CFAP46: variants seen among roughly 807,000 people sequenced by gnomAD.
The protein encoded by CFAP46 is cilia- and flagella-associated protein 46.
CFAP46 carries 245 observed loss-of-function variants against 325.7 expected under a neutral mutation model. The ratio of observed to expected loss-of-function variants is 0.75; its 90% CI spans 0.68 to 0.84. CFAP46 has a LOEUF of 0.84. Among genes scored for constraint, CFAP46 ranks in the 40% least tolerant of loss-of-function variants. The probability of loss-of-function intolerance (pLI) is 0.00; values close to 1 mark genes in which losing one functional copy is unlikely to be tolerated. For missense variants in CFAP46, 3,346 were observed against 3,543.0 expected (o/e 0.94, Z 1.41); for synonymous variants, 1,523 against 1,495.9 (o/e 1.02, Z -0.42).
chr10:132,932,409 G>C (rs1421628300), intron 8 of CFAP46, among the ~76,000 whole-genome samples: 1 of 146,394 alleles, frequency 6.8e-6, no homozygotes, highest in Admixed American at 6.8e-5. Context: ...TCCACACACA[G>C]AGGCTGGGCC....
At chr10:132,872,609 C>A in intron 32 of CFAP46, 67 bp downstream of exon 32, 1 of 1,522,686 alleles carries the variant, frequency 6.6e-7, no homozygotes, top group Non-Finnish European at 8.9e-7. Context: ...GAATTAATAC[C>A]TTAACATGTT....
intron 53 of CFAP46, 103 bp downstream of exon 53, chr10:132,814,474 G>A (rs547725867): frequency 1.4e-4 from 200 of 1,411,470 alleles, no homozygotes; most frequent in East Asian, 5.5e-4. Flanking sequence ...TGCAGATTTC[G>A]GAGCCTCGAG....
rs1416782528 is a variant in CFAP46, at chr10:132,886,925, C to T, written c.3305-966G>A. On this transcript the variant is annotated intron_variant, in intron 25 of 57. Transcript: ENST00000368586. This position sits in a 1 kb window ranked among gnomAD's most constrained non-coding sequence, Gnocchi z 5.8. Reference sequence around the variant, plus strand: ...CCCAGCCCAGCCTGCACACCCTTCCCCTGACGGTAATTCCCACACCCTCCC... The same window carrying T: ...CCCAGCCCAGCCTGCACACCCTTCCTCTGACGGTAATTCCCACACCCTCCC... 2.6e-5 allele frequency among the ~76,000 whole-genome samples: 4 copies of T among 152,076 alleles called. No individual in the cohort carries two copies. Among genetic ancestry groups the T allele is most frequent in the African/African-American group, 9.7e-5 (4 of 41,356 alleles).
At chr10:132,816,015 G>A (rs1847686367) in intron 50 of CFAP46, among the ~76,000 whole-genome samples, 1 of 152,102 alleles carries the variant, frequency 6.6e-6, no homozygotes. Context: ...TATTTTTTGT[G>A]GGAAGACTCA....
chr10:132,901,969 C>T (rs1849397202), intron 22 of CFAP46, among the ~76,000 whole-genome samples: 1 of 152,096 alleles, frequency 6.6e-6, no homozygotes, highest in Non-Finnish European at 1.5e-5. Context: ...CCCTGGTTTT[C>T]CTGTATGCAC....
At position 132,920,450 on chromosome 10, in the gene CFAP46, C is replaced by T. The variant is rs185887094; in HGVS notation, c.1607-268G>A. Among the ~76,000 whole-genome samples, 468 of 152,336 alleles carry T rather than the reference C, an allele frequency of 3.1e-3. 2 individuals carry two copies. The highest frequency in any genetic ancestry group is 6.1e-3 in the Admixed American group (94 of 15,308). On this transcript the variant is annotated intron_variant, in intron 13 of 57. Transcript: ENST00000368586. ...AACTTTGGAGCAGAGTCTGCCAAGA[C>T]CCTCCTGCTGCTCTGCTGGCTGCGC...
chr10:132,914,823 C>T (rs1408510300), intron 17 of CFAP46, among the ~76,000 whole-genome samples: 13 of 151,796 alleles, frequency 8.6e-5, no homozygotes, highest in Admixed American at 3.9e-4. Flanking sequence ...CACCCCGGCC[C>T]GAGGCTGTGT....
At chr10:132,892,231 C>T (rs1271508942) in intron 25 of CFAP46, 102 bp downstream of exon 25, 7 of 1,110,594 alleles carry the variant, frequency 6.3e-6, no homozygotes, top group African/African-American at 1.6e-5. Flanking sequence ...AGTGGCTTCA[C>T]GTCAGGGCAT....
At chr10:132,841,019 T>C (rs1012426766) in intron 44 of CFAP46, among the ~76,000 whole-genome samples, 1 of 152,202 alleles carries the variant, frequency 6.6e-6, no homozygotes, top group Non-Finnish European at 1.5e-5. Context: ...GGATAACCCC[T>C]GAATCTAAAA....
At chr10:132,879,756 A>C in intron 28 of CFAP46, 125 bp from the exon 29 acceptor site, 2 of 998,814 alleles carry the variant, frequency 2.0e-6, no homozygotes, top group Non-Finnish European at 2.8e-6. Context: ...CCGGTGCTCC[A>C]CTCTGCTGAG....
rs1186383228 is a variant in CFAP46 at position 132,847,433 on chromosome 10, G to A, written c.5953-112C>T. The A allele has an allele frequency of 7.5e-6, 10 of 1,331,260 alleles. No homozygotes were observed. Among genetic ancestry groups the A allele is most frequent in the Admixed American group, 5.7e-5 (3 of 52,900 alleles). 82.5% of individuals were successfully genotyped at this position (1,331,260 alleles called of 1,614,324 possible). On this transcript the variant is annotated intron_variant, in intron 41 of 57. Transcript: ENST00000368586. This position sits in a 1 kb window ranked among gnomAD's most constrained non-coding sequence, Gnocchi z 5.2. ...TCGGGCTCCTCAGCAGGGTCCCCGG[G>A]TAGGGGGTACCGCAGGCCACAGCAT...
intron 55 of CFAP46, among the ~76,000 whole-genome samples, chr10:132,811,570 G>A (rs773014047): frequency 3.3e-5 from 5 of 152,208 alleles, no homozygotes; most frequent in African/African-American, 7.2e-5. Context: ...ACGGAAGCAG[G>A]GATCGGGGGC....
intron 11 of CFAP46, 75 bp from the exon 12 acceptor site, chr10:132,922,783 G>A (rs1226366884): frequency 8.1e-7 from 1 of 1,235,108 alleles, no homozygotes; most frequent in Non-Finnish European, 1.1e-6. Flanking sequence ...CCCTCCAGAG[G>A]AAGGCCTGCA....
At chr10:132,908,928 T>C (rs1042543516) in intron 21 of CFAP46, among the ~76,000 whole-genome samples, 30 of 152,272 alleles carry the variant, frequency 2.0e-4, no homozygotes, top group African/African-American at 7.0e-4. Context: ...CAAACAGCGT[T>C]TGCCTCGCAC....
Position 132,833,446 on chromosome 10 carries a change from G to C in CFAP46, c.7029C>G (p.Leu2343=), listed in dbSNP as rs35232450. The change falls in exon 50 of 58, where the codon CTC becomes CTG. Residue 2343 remains leucine, a synonymous_variant. Coordinates refer to ENST00000368586, the MANE Select transcript of CFAP46 (RefSeq NM_001200049.3). ...AAATTGTCCCTTCATCGAACACAGA[G>C]AGACCTTCCAGTGGCAGCTCCAGGA... The part of the protein sequence containing the change: ...RHLLELPLEG[L]SVFDEGTISS... The C allele has an allele frequency of 0.064, 102,761 of 1,613,670 alleles. 3,782 individuals carry two copies. The highest frequency in any genetic ancestry group is 0.071 in the Non-Finnish European group (83,258 of 1,179,708).
rs1266214837 is a variant in CFAP46 at position 132,877,623 on chromosome 10, C to T, written c.4212+258G>A. Among the ~76,000 whole-genome samples the T allele has an allele frequency of 6.6e-6, 1 of 152,128 alleles. No individual in the cohort carries two copies. On this transcript the variant is annotated intron_variant, in intron 30 of 57. Transcript: ENST00000368586. This position sits in a 1 kb window ranked among gnomAD's most constrained non-coding sequence, Gnocchi z 5.7. ...AGCCAGGGTGCTTTACAGACATTCCCCTGTATTGTCCTCCAAGAACCCTGA... is the reference window on the plus strand; with the variant it reads ...AGCCAGGGTGCTTTACAGACATTCCTCTGTATTGTCCTCCAAGAACCCTGA...
intron 50 of CFAP46, among the ~76,000 whole-genome samples, chr10:132,825,190 CTGTGTGCGCTGTGTGCTGTG>C (rs1362350876): frequency 8.1e-6 from 1 of 123,342 alleles, no homozygotes; most frequent in Non-Finnish European, 1.6e-5. Flanking sequence ...GTGCTGTGTG[CTGTGTGCGCTGTGTGCTGTG>C]TGTGTGCCCT....
chr10:132,904,171 T>A (rs925537726), intron 22 of CFAP46, among the ~76,000 whole-genome samples: 5 of 152,252 alleles, frequency 3.3e-5, no homozygotes, highest in African/African-American at 1.2e-4. Context: ...TTTTAAAGTA[T>A]CTCTTACAAA....
chr10:132,855,488 T>C (rs1356605669), intron 39 of CFAP46, among the ~76,000 whole-genome samples: 1 of 152,228 alleles, frequency 6.6e-6, no homozygotes, highest in Non-Finnish European at 1.5e-5. Flanking sequence ...ATAGATTCTT[T>C]TAACTGAGGG....
Sources: gnomAD v4.1 joint callset for allele counts (sites outside exome capture counted in the v4.1 genomes callset) on GRCh38, gnomAD v4.1.1 for gene constraint, Gnocchi (gnomAD v3.1) non-coding constraint, MANE v1.5 for transcripts, NCBI Gene and HGNC (gene_info 2026-07-23, HGNC 2026-07-21) for gene names.